HNRNPM: variants seen among roughly 807,000 people sequenced by gnomAD.
HNRNPM encodes the protein heterogeneous nuclear ribonucleoprotein M.
In HNRNPM, 11 loss-of-function variants were observed where a neutral mutation model predicts 73.1. That is an observed-to-expected ratio of 0.15 (90% CI 0.09 to 0.25). The LOEUF (loss-of-function observed/expected upper bound fraction) is 0.25. Among genes scored for constraint, HNRNPM ranks in the 10% least tolerant of loss-of-function variants. The pLI is 1.00. For missense variants in HNRNPM, 789 were observed against 1,067.9 expected (o/e 0.74, Z 3.64); for synonymous variants, 407 against 355.2 (o/e 1.15, Z -1.64).
At chr19:8,474,828 C>T (rs10906986) in intron 12 of HNRNPM, among the ~76,000 whole-genome samples, 88,807 of 151,494 alleles carry the variant, frequency 0.59, 27,639 homozygotes, top group Admixed American at 0.71. Flanking sequence ...GATTCTCCTG[C>T]CCCAGCCTCC....
At chr19:8,452,105 T>C (rs544147515) in intron 1 of HNRNPM, among the ~76,000 whole-genome samples, 73 of 152,324 alleles carry the variant, frequency 4.8e-4, no homozygotes, top group African/African-American at 1.6e-3. Flanking sequence ...CCAAACCAAA[T>C]GCTCAGCTTC....
rs189731616 is a variant in HNRNPM at position 8,462,013 on chromosome 19, A to G, written c.284-516A>G. ...GCCCCTGAGTGCGGGGCTCTGTACA[A>G]TTGCACGAGTTGCTCACCTGTGAAG... On this transcript the variant is annotated intron_variant, in intron 2 of 15. Transcript: ENST00000325495. This position sits in a 1 kb window ranked among gnomAD's most constrained non-coding sequence, Gnocchi z 4.5. 1.4e-4 allele frequency: 22 copies of G among 155,716 alleles called. No individual in the cohort carries two copies. The highest frequency in any genetic ancestry group is 7.4e-4 in the East Asian group (4 of 5,380). 9.6% of individuals were successfully genotyped at this position (155,716 alleles called of 1,614,324 possible).
At chr19:8,479,093 TTTTTTTTTTC>T (rs1970720570) in intron 12 of HNRNPM, among the ~76,000 whole-genome samples, 1 of 128,068 alleles carries the variant, frequency 7.8e-6, no homozygotes, top group African/African-American at 3.0e-5. Flanking sequence ...TTTTTTTTTT[TTTTTTTTTTC>T]AAGACAGAGT....
chr19:8,466,912 G>A (rs1035509445), intron 7 of HNRNPM, among the ~76,000 whole-genome samples: 4 of 149,582 alleles, frequency 2.7e-5, no homozygotes, highest in Non-Finnish European at 4.5e-5. Flanking sequence ...GTTACAACAT[G>A]GGCATATGCC....
chr19:8,457,361 G>T (rs900888623), intron 2 of HNRNPM, among the ~76,000 whole-genome samples: 1 of 152,190 alleles, frequency 6.6e-6, no homozygotes, highest in South Asian at 2.1e-4. Flanking sequence ...TAAGTGTGGA[G>T]CCAGCCTGGT....
intron 12 of HNRNPM, among the ~76,000 whole-genome samples, chr19:8,477,370 T>C (rs900963336): frequency 1.3e-5 from 2 of 151,770 alleles, no homozygotes; most frequent in African/African-American, 4.9e-5. Context: ...TTAAAAGACA[T>C]TGTAAGGCTG....
intron 1 of HNRNPM, among the ~76,000 whole-genome samples, chr19:8,454,128 T>C (rs898884042): frequency 1.3e-5 from 2 of 152,126 alleles, no homozygotes; most frequent in Non-Finnish European, 2.9e-5. Context: ...ATTTTAACCA[T>C]CTTAAGTGTG....
chr19:8,471,259 CTT>C (rs146004771), intron 9 of HNRNPM, 65 bp from the exon 10 acceptor site: 10,308 of 1,009,076 alleles, frequency 0.01, 84 homozygotes, highest in South Asian at 0.019. Context: ...ACTAAACACT[CTT>C]TTCCTTTGAG....
intron 11 of HNRNPM, 47 bp from the exon 12 acceptor site, chr19:8,474,120 C>G (rs1205483990): frequency 1.4e-6 from 2 of 1,380,378 alleles, no homozygotes; most frequent in Non-Finnish European, 2.0e-6. Context: ...CCTGCTTAGT[C>G]TAAGCAGTCT....
chr19:8,445,724 C>A (rs888238994), intron 1 of HNRNPM: 1 of 152,620 alleles, frequency 6.6e-6, no homozygotes, highest in East Asian at 1.9e-4. Flanking sequence ...CCTCGCCCCA[C>A]GCTCTGGCCC....
At position 8,448,729 on chromosome 19, in the gene HNRNPM, C is replaced by T. The variant is rs911242280; in HGVS notation, c.113+3618C>T. Among the ~76,000 whole-genome samples, 4 of 151,654 alleles carry T rather than the reference C, an allele frequency of 2.6e-5. No homozygotes were observed. In the East Asian group the frequency reaches 5.9e-4, roughly 22 times the overall value. ...CGATCTCCTGACGTCGTTATCCGCC[C>T]GTCTTGGCCTCCCAAAGTGCTGGGA... On this transcript the variant is annotated intron_variant, in intron 1 of 15. Coordinates refer to ENST00000325495, the MANE Select transcript of HNRNPM (RefSeq NM_005968.5).
intron 15 of HNRNPM, chr19:8,487,385 G>A (rs1316942296): frequency 2.2e-5 from 8 of 360,416 alleles, no homozygotes; most frequent in South Asian, 2.1e-4. Flanking sequence ...GCTTCTAGGT[G>A]GCAAGGCTAA....
chr19:8,455,747 T>TC, intron 2 of HNRNPM, among the ~76,000 whole-genome samples, 173 bp downstream of exon 2: 1 of 149,032 alleles, frequency 6.7e-6, no homozygotes, highest in East Asian at 2.0e-4. Context: ...TGTTTTGTGT[T>TC]TTTTTTTTGT....
chr19:8,468,811 C>T lies in HNRNPM; in HGVS notation c.872C>T (p.Pro291Leu). The T allele has an allele frequency of 6.2e-7, 1 of 1,613,804 alleles. No individual in the cohort carries two copies. Among genetic ancestry groups the T allele is most frequent in the South Asian group, 1.1e-5 (1 of 91,072 alleles). The change falls in exon 9 of 16, where the codon CCT becomes CTT. Residue 291 changes from proline to leucine, a missense_variant. Physicochemically the swap from Pro to Leu is moderately conservative, Grantham distance 98. This residue lies in a region of HNRNPM where 604 missense variants were observed against 744.0 expected (regional missense o/e 0.81). Transcript: ENST00000325495. ...RALPKGDFFP[P>L]ERPQQLPHGL... ...TTACCAAAAGGAGATTTCTTCCCTC[C>T]TGAGCGTCCACAACAACTTCCCCGT...
At chr19:8,481,255 G>A (rs1398964955) in intron 12 of HNRNPM, among the ~76,000 whole-genome samples, 1 of 152,198 alleles carries the variant, frequency 6.6e-6, no homozygotes, top group Non-Finnish European at 1.5e-5. Flanking sequence ...TTGGGACATC[G>A]CCAGAGGTCT....
At chr19:8,486,976 G>T (rs773808922) in intron 14 of HNRNPM, 48 bp from the exon 15 acceptor site, 3 of 1,479,128 alleles carry the variant, frequency 2.0e-6, no homozygotes, top group Admixed American at 3.3e-5. Context: ...GCATGCCTTA[G>T]GATTTGGTTT....
chr19:8,466,630 G>C (rs918438894), intron 7 of HNRNPM, among the ~76,000 whole-genome samples: 1 of 152,054 alleles, frequency 6.6e-6, no homozygotes, highest in African/African-American at 2.4e-5. Context: ...TTCGAGACCA[G>C]CCTGGCCAAC....
rs763841893 is a variant in HNRNPM at position 8,485,755 on chromosome 19, C to T, written c.1327C>T (p.Arg443Cys). 6.2e-7 allele frequency: 1 copy of T among 1,604,206 alleles called. No individual in the cohort carries two copies. Among genetic ancestry groups the T allele is most frequent in the African/African-American group, 1.3e-5 (1 of 74,606 alleles). Residue 443 changes from arginine (R) to cysteine (C), a missense_variant, in exon 14 of 16, where the codon CGC becomes TGC. By Grantham distance (180) the Arg-to-Cys change is radical (BLOSUM62 -3). Around this residue, in one of 4 missense-constraint regions of HNRNPM, gnomAD observed 604 missense variants for 744.0 expected, o/e 0.81. Transcript: ENST00000325495. Reference protein sequence around the residue: ...EIERMGLVMDRMGSVERMGSG... With the variant: ...EIERMGLVMDCMGSVERMGSG... ...CGAGCGCATGGGCCTGGTCATGGACCGCATGGGCTCCGTGGAGCGCATGGG... is the reference window on the plus strand; with the variant it reads ...CGAGCGCATGGGCCTGGTCATGGACTGCATGGGCTCCGTGGAGCGCATGGG...
intron 8 of HNRNPM, 104 bp downstream of exon 8, chr19:8,467,688 T>C: frequency 4.5e-6 from 4 of 891,776 alleles, no homozygotes; most frequent in South Asian, 4.0e-5. Context: ...TGGATTAGTC[T>C]AAGTTAAATA....
Sources: gnomAD v4.1 joint callset for allele counts (sites outside exome capture counted in the v4.1 genomes callset) on GRCh38, gnomAD v4.1.1 for gene constraint, gnomAD v4.1.1 regional missense constraint, Gnocchi (gnomAD v3.1) non-coding constraint, MANE v1.5 for transcripts, NCBI Gene and HGNC (gene_info 2026-07-23, HGNC 2026-07-21) for gene names.